Variants in ITFG1 observed in about 807,000 individuals in gnomAD.
The protein encoded by ITFG1 is integrin alpha FG-GAP repeat containing 1, also known as T-cell immunomodulatory protein.
A neutral mutation model predicts 81.8 loss-of-function variants in ITFG1; 34 were observed. The observed-to-expected ratio is 0.42, with a 90% confidence interval of 0.32 to 0.55. The LOEUF (loss-of-function observed/expected upper bound fraction) is 0.55. Ranked by LOEUF, ITFG1 falls within the 20% of genes least tolerant of loss-of-function variation. The probability of loss-of-function intolerance (pLI) is 0.17; values close to 1 mark genes in which losing one functional copy is unlikely to be tolerated. For missense variants in ITFG1, 672 were observed against 755.4 expected (o/e 0.89, Z 1.29); for synonymous variants, 285 against 270.6 (o/e 1.05, Z -0.52).
At chr16:47,176,751 A>G (rs932857235) in intron 14 of ITFG1, among the ~76,000 whole-genome samples, 1 of 152,176 alleles carries the variant, frequency 6.6e-6, no homozygotes, top group Non-Finnish European at 1.5e-5. Context: ...TGGGATGGAG[A>G]AAGAGACTGT....
intron 8 of ITFG1, among the ~76,000 whole-genome samples, chr16:47,341,400 G>GAAAA (rs545419792): frequency 1.6e-5 from 1 of 64,352 alleles, no homozygotes; most frequent in Non-Finnish European, 3.0e-5. Context: ...CTGCGCCACT[G>GAAAA]AAAAAAAAAA....
chr16:47,374,098 C>A (rs868525053), intron 7 of ITFG1, among the ~76,000 whole-genome samples: 1 of 152,156 alleles, frequency 6.6e-6, no homozygotes, highest in African/African-American at 2.4e-5. Context: ...CCACTGACCC[C>A]CATCCTGCTC....
At chr16:47,271,597 C>T (rs567837256) in intron 10 of ITFG1, among the ~76,000 whole-genome samples, 3 of 152,240 alleles carry the variant, frequency 2.0e-5, no homozygotes, top group Non-Finnish European at 2.9e-5. Flanking sequence ...CACTGGCTCA[C>T]GCCTGTGATC....
chr16:47,359,361 C>G (rs1369723139), intron 8 of ITFG1, among the ~76,000 whole-genome samples: 4 of 152,146 alleles, frequency 2.6e-5, no homozygotes, highest in African/African-American at 9.7e-5. Flanking sequence ...TAACAGAACT[C>G]CAGAGTTCCT....
intron 8 of ITFG1, among the ~76,000 whole-genome samples, chr16:47,325,419 A>C (rs145981888): frequency 6.6e-6 from 1 of 152,210 alleles, no homozygotes; most frequent in Middle Eastern, 3.2e-3. Context: ...AAAGAACTAG[A>C]GAAGCAAAGC....
chr16:47,351,891 C>T (rs1009939877), intron 8 of ITFG1, among the ~76,000 whole-genome samples: 1 of 152,108 alleles, frequency 6.6e-6, no homozygotes, highest in Admixed American at 6.5e-5. Flanking sequence ...GAACAGACCC[C>T]TCAGAAATAA....
intron 14 of ITFG1, among the ~76,000 whole-genome samples, chr16:47,180,826 G>GTC (rs925028069): frequency 1.3e-5 from 2 of 151,716 alleles, no homozygotes; most frequent in African/African-American, 4.8e-5. Context: ...AGTGAGGAGC[G>GTC]TCTCTGCCTG....
intron 14 of ITFG1, among the ~76,000 whole-genome samples, chr16:47,211,822 T>A (rs974804368): frequency 3.3e-5 from 5 of 152,212 alleles, no homozygotes; most frequent in African/African-American, 9.6e-5. Flanking sequence ...ATAGATTTTT[T>A]AATCTTGAAC....
rs931280942 is a variant in ITFG1 at position 47,381,627 on chromosome 16, C to T, written c.656-5687G>A. Among the ~76,000 whole-genome samples, 3 of 152,194 alleles carry T rather than the reference C, an allele frequency of 2.0e-5. No homozygotes were observed. The East Asian group carries it at 5.8e-4, about 29-fold the overall frequency. On this transcript the variant is annotated intron_variant, in intron 6 of 17. Coordinates refer to ENST00000320640, the MANE Select transcript of ITFG1 (RefSeq NM_030790.5). ...TGCCAAGCTCATGTTTATATTTGTTCTATAGTAGTATCCAGTTTCTCTTAG... is the reference window on the plus strand; with the variant it reads ...TGCCAAGCTCATGTTTATATTTGTTTTATAGTAGTATCCAGTTTCTCTTAG...
At chr16:47,238,936 G>A (rs1358311438) in intron 12 of ITFG1, among the ~76,000 whole-genome samples, 1 of 152,178 alleles carries the variant, frequency 6.6e-6, no homozygotes, top group Non-Finnish European at 1.5e-5. Flanking sequence ...TAACCAACGT[G>A]ACAGTGTTAA....
chr16:47,387,028 C>A (rs1968471580), intron 6 of ITFG1, among the ~76,000 whole-genome samples: 1 of 152,178 alleles, frequency 6.6e-6, no homozygotes, highest in South Asian at 2.1e-4. Flanking sequence ...ACCTACAGAA[C>A]AAACCTGCAA....
intron 10 of ITFG1, among the ~76,000 whole-genome samples, chr16:47,266,406 T>C (rs1966276154): frequency 6.6e-6 from 1 of 152,134 alleles, no homozygotes; most frequent in Admixed American, 6.6e-5. Context: ...TTAGTAGAGA[T>C]GGAGTTTCAC....
At chr16:47,284,289 T>G (rs534264944) in intron 10 of ITFG1, among the ~76,000 whole-genome samples, 1 of 152,186 alleles carries the variant, frequency 6.6e-6, no homozygotes, top group African/African-American at 2.4e-5. Flanking sequence ...AAAACATTAA[T>G]GAAGCAGAAT....
intron 12 of ITFG1, 81 bp downstream of exon 12, chr16:47,258,551 G>A (rs1596841549): frequency 7.2e-6 from 5 of 699,212 alleles, no homozygotes; most frequent in Non-Finnish European, 1.3e-5. Flanking sequence ...GTTGTACATC[G>A]GAGCATGTCC....
intron 8 of ITFG1, among the ~76,000 whole-genome samples, chr16:47,359,922 C>T (rs1968088154): frequency 6.6e-6 from 1 of 152,168 alleles, no homozygotes; most frequent in African/African-American, 2.4e-5. Context: ...TTTTGTCTTT[C>T]TTCCCTCAAT....
intron 10 of ITFG1, among the ~76,000 whole-genome samples, chr16:47,261,404 G>A (rs1966207854): frequency 6.6e-6 from 1 of 152,102 alleles, no homozygotes; most frequent in African/African-American, 2.4e-5. Flanking sequence ...AACACTGCAA[G>A]GAAAGTTACT....
chr16:47,240,087 T>C (rs1274656484), intron 12 of ITFG1, among the ~76,000 whole-genome samples: 2 of 149,234 alleles, frequency 1.3e-5, no homozygotes, highest in Non-Finnish European at 3.0e-5. Context: ...AGCTCAGGAG[T>C]TTGAGACCAG....
intron 7 of ITFG1, among the ~76,000 whole-genome samples, chr16:47,370,283 A>G (rs1968235162): frequency 6.6e-6 from 1 of 152,226 alleles, no homozygotes; most frequent in Admixed American, 6.5e-5. Flanking sequence ...GTCCCCGACC[A>G]GAGTGAGAAC....
At chr16:47,349,532 C>T (rs1967916801) in intron 8 of ITFG1, among the ~76,000 whole-genome samples, 1 of 152,072 alleles carries the variant, frequency 6.6e-6, no homozygotes, top group Non-Finnish European at 1.5e-5. Context: ...TATATGCACC[C>T]AATACAGGAG....
Sources: allele counts gnomAD v4.1 joint callset (sites outside exome capture counted in the v4.1 genomes callset), GRCh38; gene constraint gnomAD v4.1.1; transcripts MANE v1.5; gene names NCBI Gene and HGNC (gene_info 2026-07-23, HGNC 2026-07-21).